Variants in PCDH15 observed in about 807,000 individuals in gnomAD.
The protein encoded by PCDH15 is protocadherin related 15.
A neutral mutation model predicts 178.5 loss-of-function variants in PCDH15; 129 were observed. The ratio of observed to expected loss-of-function variants is 0.72; its 90% CI spans 0.63 to 0.84. The LOEUF is 0.84. PCDH15 is among the 40% of genes least tolerant of loss of function. The probability of loss-of-function intolerance (pLI) is 0.00; values close to 1 mark genes in which losing one functional copy is unlikely to be tolerated. For missense variants in PCDH15, 2,230 were observed against 2,099.9 expected (o/e 1.06, Z -1.21); for synonymous variants, 800 against 732.0 (o/e 1.09, Z -1.50).
intron 18 of PCDH15, among the ~76,000 whole-genome samples, chr10:54,054,787 T>C (rs189904074): frequency 7.2e-5 from 11 of 152,010 alleles, no homozygotes; most frequent in Admixed American, 6.6e-4. Flanking sequence ...AGCACATTTA[T>C]ATTGACATAA....
At chr10:54,684,871 G>A (rs1294554820) in intron 1 of PCDH15, among the ~76,000 whole-genome samples, 1 of 151,790 alleles carries the variant, frequency 6.6e-6, no homozygotes, top group African/African-American at 2.4e-5. Flanking sequence ...TTTATAAAAT[G>A]CATTTTTTAA....
At chr10:55,109,519 G>T (rs1208351876) in intron 2 of PCDH15, among the ~76,000 whole-genome samples, 2 of 152,080 alleles carry the variant, frequency 1.3e-5, no homozygotes, top group Non-Finnish European at 2.9e-5. Context: ...AGGGAAATCA[G>T]TATTAAATGT....
chr10:55,277,088 C>A (rs1842614460), intron 1 of PCDH15, among the ~76,000 whole-genome samples: 1 of 151,990 alleles, frequency 6.6e-6, no homozygotes, highest in Non-Finnish European at 1.5e-5. Flanking sequence ...AATCTCCTAC[C>A]TAGATTAGCA....
At chr10:55,305,197 G>A (rs1265093550) in intron 1 of PCDH15, among the ~76,000 whole-genome samples, 7 of 152,152 alleles carry the variant, frequency 4.6e-5, no homozygotes, top group Admixed American at 4.6e-4. Flanking sequence ...AGGTGCTGCT[G>A]GTAACAGAAC....
chr10:55,279,612 A>G (rs893017282), intron 1 of PCDH15, among the ~76,000 whole-genome samples: 1 of 152,188 alleles, frequency 6.6e-6, no homozygotes, highest in Non-Finnish European at 1.5e-5. Flanking sequence ...AAGAAGCCCC[A>G]CATTTGCATT....
intron 2 of PCDH15, among the ~76,000 whole-genome samples, chr10:54,964,402 A>G (rs1466750838): frequency 2.0e-5 from 3 of 152,198 alleles, no homozygotes; most frequent in African/African-American, 4.8e-5. Context: ...CACTTTTCAT[A>G]TAATTATCCT....
intron 1 of PCDH15, among the ~76,000 whole-genome samples, chr10:55,195,542 G>C (rs891252564): frequency 9.5e-5 from 14 of 147,880 alleles, no homozygotes; most frequent in African/African-American, 3.5e-4. Flanking sequence ...TATAATCCCA[G>C]CTACTCCGGA....
chr10:54,200,375 T>C (rs1246465040), intron 10 of PCDH15, among the ~76,000 whole-genome samples: 2 of 146,682 alleles, frequency 1.4e-5, no homozygotes, highest in Non-Finnish European at 3.0e-5. Flanking sequence ...GCTGTGCCCA[T>C]CAACCAGTCA....
At chr10:55,278,657 C>T (rs937209577) in intron 1 of PCDH15, among the ~76,000 whole-genome samples, 17 of 152,086 alleles carry the variant, frequency 1.1e-4, no homozygotes, top group African/African-American at 3.4e-4. Flanking sequence ...TTCATTTAAC[C>T]AGAATCAGTA....
At chr10:54,238,777 A>C in intron 8 of PCDH15, among the ~76,000 whole-genome samples, 1 of 151,822 alleles carries the variant, frequency 6.6e-6, no homozygotes, top group East Asian at 1.9e-4. Context: ...TGAAAAAAAA[A>C]TCTGAAGTTC....
chr10:54,852,152 G>C (rs766642139), intron 3 of PCDH15, among the ~76,000 whole-genome samples: 17 of 152,148 alleles, frequency 1.1e-4, no homozygotes, highest in African/African-American at 1.7e-4. Context: ...AAGTGACAAA[G>C]AGAAATGATC....
rs150450873 is a variant in PCDH15, at chr10:54,236,863, C to T, written c.945G>A (p.Pro315=). The change falls in exon 9 of 38, where the codon CCG becomes CCA. Residue 315 remains proline (P), a synonymous_variant. Transcript: ENST00000644397. ...AGAGGATTCCTGGCCTATCTGATGG[C>T]GGTTGAATATTCCGGTCCTGATCAA... ...QAIDQDRNIQ[P]PSDRPGILYS... The T allele has an allele frequency of 2.0e-5, 32 of 1,613,234 alleles. No individual in the cohort carries two copies. Among genetic ancestry groups the T allele is most frequent in the Middle Eastern group, 1.6e-4 (1 of 6,080 alleles).
At chr10:54,581,345 T>C (rs2091017338) in intron 2 of PCDH15, among the ~76,000 whole-genome samples, 1 of 151,934 alleles carries the variant, frequency 6.6e-6, no homozygotes, top group Admixed American at 6.6e-5. Context: ...ATACCCACAA[T>C]AAAAATTAAA....
intron 1 of PCDH15, among the ~76,000 whole-genome samples, chr10:54,695,605 G>A (rs1591107065): frequency 6.6e-6 from 1 of 152,186 alleles, no homozygotes. Context: ...TTCATAACTA[G>A]AGAGAAGTCA....
At chr10:54,245,277 A>G (rs930275647) in intron 8 of PCDH15, among the ~76,000 whole-genome samples, 4 of 152,198 alleles carry the variant, frequency 2.6e-5, no homozygotes, top group Non-Finnish European at 5.9e-5. Flanking sequence ...TAATTTAGAT[A>G]AATGAAGCAA....
intron 14 of PCDH15, among the ~76,000 whole-genome samples, chr10:54,145,248 C>T (rs1449077083): frequency 2.0e-5 from 3 of 151,850 alleles, no homozygotes; most frequent in Admixed American, 6.6e-5. Flanking sequence ...GATAATGTTG[C>T]TAGCTTATAG....
intron 15 of PCDH15, among the ~76,000 whole-genome samples, chr10:54,118,792 A>T (rs79334618): frequency 6.6e-6 from 1 of 151,196 alleles, no homozygotes; most frequent in Non-Finnish European, 1.5e-5. Context: ...TTTTTTGTCA[A>T]AATGATGAAT....
intron 20 of PCDH15, among the ~76,000 whole-genome samples, chr10:54,006,060 C>T (rs768775203): frequency 6.6e-6 from 1 of 152,062 alleles, no homozygotes; most frequent in Non-Finnish European, 1.5e-5. Flanking sequence ...TCTGGTGTCT[C>T]CCAGAAACCA....
intron 1 of PCDH15, among the ~76,000 whole-genome samples, chr10:54,758,005 T>C (rs116356347): frequency 0.028 from 4,225 of 152,172 alleles, 177 homozygotes; most frequent in African/African-American, 0.094. Context: ...TCCCTTGTAA[T>C]CAAAGGACCA....
Sources: allele counts gnomAD v4.1 joint callset (sites outside exome capture counted in the v4.1 genomes callset), GRCh38; gene constraint gnomAD v4.1.1; transcripts MANE v1.5; gene names NCBI Gene and HGNC (gene_info 2026-07-23, HGNC 2026-07-21).